HIVEP2: variants seen among roughly 807,000 people sequenced by gnomAD.
HIVEP2 encodes the protein HIVEP zinc finger 2.
HIVEP2 carries 14 observed loss-of-function variants against 180.7 expected under a neutral mutation model. That is an observed-to-expected ratio of 0.08 (90% CI 0.05 to 0.12). The LOEUF (loss-of-function observed/expected upper bound fraction) is 0.12. HIVEP2 is among the 10% of genes least tolerant of loss of function. HIVEP2 has a pLI of 1.00. For missense variants in HIVEP2, 2,579 were observed against 3,008.5 expected, an observed-to-expected ratio of 0.86 and a Z score of 3.34; for synonymous variants, 1,184 against 1,136.4, an observed-to-expected ratio of 1.04 and a Z score of -0.84.
chr6:142,774,956 C>T lies in HIVEP2; in HGVS notation c.-218G>A, dbSNP rs548273265. ...TGGACCAGGGCTATAACACAGTTCTCTCCATTGTAGAAACGTCCATCCAAA... is the reference window on the plus strand; with the variant it reads ...TGGACCAGGGCTATAACACAGTTCTTTCCATTGTAGAAACGTCCATCCAAA... On this transcript the variant is annotated 5_prime_UTR_variant, in exon 5 of 10. Transcript: ENST00000367603. This position sits in a 1 kb window ranked among gnomAD's most constrained non-coding sequence, Gnocchi z 5.1. 2 of 1,347,064 alleles carry T rather than the reference C, an allele frequency of 1.5e-6. No individual in the cohort carries two copies. Among genetic ancestry groups the T allele is most frequent in the South Asian group, 2.1e-5 (1 of 46,720 alleles). 83.4% of individuals were successfully genotyped at this position (1,347,064 alleles called of 1,614,324 possible).
intron 1 of HIVEP2, among the ~76,000 whole-genome samples, chr6:142,872,199 A>T (rs1776306458): frequency 6.6e-6 from 1 of 152,206 alleles, no homozygotes; most frequent in Non-Finnish European, 1.5e-5. Flanking sequence ...TTTCTAACTC[A>T]GTGAGTATAT....
rs751817690 is a variant in HIVEP2 at position 142,770,788 on chromosome 6, ATCT to A, written c.3948_3950del (p.Glu1316del). ...AAGACCCAGCATTTGCCGAGGCAAA[ATCT>A]TCTTGAAGAACCTGCTCAGAGGGCG... On this transcript the variant is annotated inframe_deletion, in exon 5 of 10. Transcript: ENST00000367603. This position sits in a 1 kb window ranked among gnomAD's most constrained non-coding sequence, Gnocchi z 4.7. 3.1e-6 allele frequency: 5 copies of A among 1,614,074 alleles called. No homozygotes were observed. Among genetic ancestry groups the A allele is most frequent in the Admixed American group, 3.3e-5 (2 of 60,008 alleles).
chr6:142,869,517 A>G (rs546124746), intron 1 of HIVEP2, among the ~76,000 whole-genome samples: 1 of 152,236 alleles, frequency 6.6e-6, no homozygotes, highest in East Asian at 1.9e-4. Context: ...CTAATTTTAA[A>G]ATTTGTTTTC....
intron 1 of HIVEP2, among the ~76,000 whole-genome samples, chr6:142,893,473 A>G (rs1776910743): frequency 6.6e-6 from 1 of 152,186 alleles, no homozygotes; most frequent in African/African-American, 2.4e-5. Flanking sequence ...TACAGATACT[A>G]TCTCTGGTGA....
At chr6:142,842,046 T>C (rs910725595) in intron 1 of HIVEP2, among the ~76,000 whole-genome samples, 3 of 152,272 alleles carry the variant, frequency 2.0e-5, no homozygotes, top group Middle Eastern at 3.4e-3. Context: ...GTAAACAATA[T>C]CACCACCACA....
chr6:142,879,901 T>C (rs1345689950), intron 1 of HIVEP2, among the ~76,000 whole-genome samples: 1 of 152,200 alleles, frequency 6.6e-6, no homozygotes, highest in East Asian at 1.9e-4. Flanking sequence ...CCATGATCTC[T>C]GACTTCCAAT....
At chr6:142,818,399 G>A (rs979871878) in intron 2 of HIVEP2, among the ~76,000 whole-genome samples, 13 of 152,086 alleles carry the variant, frequency 8.5e-5, no homozygotes, top group South Asian at 2.1e-4. Flanking sequence ...TTTTAAAGCC[G>A]GGCACGGTGG....
intron 1 of HIVEP2, among the ~76,000 whole-genome samples, chr6:142,916,529 C>T (rs1777552375): frequency 6.6e-6 from 1 of 152,172 alleles, no homozygotes; most frequent in African/African-American, 2.4e-5. Flanking sequence ...AATCCACCAA[C>T]CCCTTCACTT....
intron 9 of HIVEP2, 68 bp from the exon 10 acceptor site, chr6:142,753,999 T>C: frequency 1.2e-6 from 1 of 806,248 alleles, no homozygotes; most frequent in East Asian, 2.5e-5. Flanking sequence ...GTCAAGCTGT[T>C]GGATTCATTC....
intron 6 of HIVEP2, among the ~76,000 whole-genome samples, chr6:142,766,256 A>G (rs1291675205): frequency 6.6e-6 from 1 of 152,234 alleles, no homozygotes; most frequent in African/African-American, 2.4e-5. Context: ...GTACCAATCC[A>G]GATGAGAGTT....
At chr6:142,858,493 T>C (rs1458269258) in intron 1 of HIVEP2, among the ~76,000 whole-genome samples, 1 of 152,194 alleles carries the variant, frequency 6.6e-6, no homozygotes, top group Non-Finnish European at 1.5e-5. Context: ...AACAAGTGTT[T>C]GATTAATATT....
intron 1 of HIVEP2, among the ~76,000 whole-genome samples, chr6:142,911,139 T>TAAAAAAAAAAAAA (rs5880554): frequency 2.8e-5 from 3 of 106,226 alleles, no homozygotes; most frequent in African/African-American, 3.9e-5. Context: ...ACAAACACAT[T>TAAAAAAAAAAAAA]AAAAAAAAAA....
intron 2 of HIVEP2, among the ~76,000 whole-genome samples, chr6:142,810,529 A>AG (rs1776665782): frequency 6.6e-6 from 1 of 152,188 alleles, no homozygotes; most frequent in South Asian, 2.1e-4. Flanking sequence ...TTGGGAGGCC[A>AG]GGGGGGCAAA....
Position 142,787,128 on chromosome 6 carries a change from C to T in HIVEP2, c.-527-3513G>A, listed in dbSNP as rs1323882844. ...AAATTTAAGCAGGTGTGGTGGTGCA[C>T]ATCTGTAGTCCCAGCTGCTTGGGAG... On this transcript the variant is annotated intron_variant, in intron 2 of 9. Transcript: ENST00000367603. Among the ~76,000 whole-genome samples, 6 of 152,070 alleles carry T rather than the reference C, an allele frequency of 3.9e-5. No homozygotes were observed. In the East Asian group the frequency reaches 7.7e-4, roughly 20 times the overall value.
rs972826892 is a variant in HIVEP2 at position 142,779,168 on chromosome 6, G to T, written c.-432-2977C>A. Among the ~76,000 whole-genome samples, 11 of 152,210 alleles carry T rather than the reference G, an allele frequency of 7.2e-5. No individual in the cohort carries two copies. In the East Asian group the frequency reaches 2.1e-3, roughly 29 times the overall value. ...CTGGACTCAAACTCATGGGCTCAAG[G>T]GATCCTCTGGGCCCTGCTTCCCAAG... is the stretch of plus-strand genomic sequence containing the variant. On this transcript the variant is annotated intron_variant, in intron 3 of 9. Transcript: ENST00000367603.
rs184592169 is a variant in HIVEP2, at chr6:142,868,653, A to G, written c.-640-31606T>C. On this transcript the variant is annotated intron_variant, in intron 1 of 9. Transcript: ENST00000367603. ...TCAATATAGGGCAAACTACAATACTACTTCCATCTTTGAAAGTTTTTAAAA... is the reference window on the plus strand; with the variant it reads ...TCAATATAGGGCAAACTACAATACTGCTTCCATCTTTGAAAGTTTTTAAAA... 1.3e-3 allele frequency among the ~76,000 whole-genome samples: 197 copies of G among 152,292 alleles called. 1 individual carries two copies. Among genetic ancestry groups the G allele is most frequent in the African/African-American group, 4.5e-3 (189 of 41,574 alleles).
Position 142,753,467 on chromosome 6 carries a change from C to G in HIVEP2, c.6981G>C (p.Gln2327His). The stretch of plus-strand genomic sequence containing the variant: ...GAGAGGCAATGGCTTTTGTACAAGT[C>G]TGTATATTTTCCTCCTGTTCCCGCT... ...ATEREQEENIQTCTKAIASLR... is the reference protein window; with the variant it reads ...ATEREQEENIHTCTKAIASLR... Residue 2327 changes from glutamine (Q) to histidine (H), a missense_variant, in exon 10 of 10, where the codon CAG becomes CAC. Physicochemically the swap from Gln to His is conservative, Grantham distance 24. This residue lies in a region of HIVEP2 where 660 missense variants were observed against 731.7 expected (regional missense o/e 0.90). Coordinates refer to ENST00000367603, the MANE Select transcript of HIVEP2 (RefSeq NM_006734.4). 2 of 1,614,018 alleles carry G rather than the reference C, an allele frequency of 1.2e-6. No homozygotes were observed. Among genetic ancestry groups the G allele is most frequent in the Non-Finnish European group, 1.7e-6 (2 of 1,180,042 alleles).
intron 1 of HIVEP2, among the ~76,000 whole-genome samples, chr6:142,878,826 C>T (rs929477843): frequency 6.6e-6 from 1 of 152,106 alleles, no homozygotes; most frequent in Non-Finnish European, 1.5e-5. Context: ...GCCTCATCAT[C>T]CTAATTACAG....
chr6:142,862,539 C>T (rs1377383387), intron 1 of HIVEP2, among the ~76,000 whole-genome samples: 1 of 144,090 alleles, frequency 6.9e-6, no homozygotes, highest in Non-Finnish European at 1.5e-5. Flanking sequence ...TTATGTGTAT[C>T]ATATATTTTA....
Sources: allele counts gnomAD v4.1 joint callset (sites outside exome capture counted in the v4.1 genomes callset), GRCh38; gene constraint gnomAD v4.1.1; regional missense constraint gnomAD v4.1.1; non-coding constraint Gnocchi (gnomAD v3.1); transcripts MANE v1.5; gene names NCBI Gene and HGNC (gene_info 2026-07-23, HGNC 2026-07-21).